Variants in SMARCC2 observed in about 807,000 individuals in gnomAD.
SMARCC2 encodes SWI/SNF complex subunit SMARCC2.
In SMARCC2, 15 loss-of-function variants were observed where a neutral mutation model predicts 151.3. That is an observed-to-expected ratio of 0.10 (90% CI 0.07 to 0.15). The LOEUF (loss-of-function observed/expected upper bound fraction) is 0.15, where lower values mean the gene tolerates loss of function less well. Among genes scored for constraint, SMARCC2 ranks in the 10% least tolerant of loss-of-function variants. The pLI is 1.00. For missense variants in SMARCC2, 1,031 were observed against 1,599.7 expected (o/e 0.64, Z 6.06); for synonymous variants, 590 against 609.5 (o/e 0.97, Z 0.47).
chr12:56,167,409 C>T (rs564992524), intron 26 of SMARCC2, among the ~76,000 whole-genome samples: 1 of 152,260 alleles, frequency 6.6e-6, no homozygotes, highest in East Asian at 1.9e-4. Context: ...CACTATGTTA[C>T]CCAGGCTGGT....
chr12:56,173,822 A>G lies in SMARCC2; in HGVS notation c.1524T>C (p.Gly508=), dbSNP rs750930747. 2.5e-5 allele frequency: 41 copies of G among 1,613,570 alleles called. No individual in the cohort carries two copies. The highest frequency in any genetic ancestry group is 3.4e-5 in the Non-Finnish European group (40 of 1,179,880). ...CAGCATCCACCTGGTAGTTAATAAG[A>G]CCCCACTGTTCTAGGAAGGCATGGA... is the stretch of plus-strand genomic sequence containing the variant. ...MRVHAFLEQW[G]LINYQVDAES... Residue 508 remains glycine, a synonymous_variant, in exon 17 of 29, where the codon GGT becomes GGC. Transcript: ENST00000550164.
Position 56,182,051 on chromosome 12 carries a change from T to C in SMARCC2, c.661A>G (p.Ile221Val). 1.2e-6 allele frequency: 2 copies of C among 1,613,314 alleles called. No homozygotes were observed. Among genetic ancestry groups the C allele is most frequent in the Non-Finnish European group, 1.7e-6 (2 of 1,179,598 alleles). ...GGAGCATCTTCCACAGATGCCTCAA[T>C]TTCACTCGCTGGGATCCACGTGTCG... ...SYDTWIPASE[I>V]EASVEDAPTP... The change falls in exon 8 of 29, where the codon ATT becomes GTT. Residue 221 changes from isoleucine (I) to valine (V), a missense_variant. Coordinates refer to ENST00000550164, the MANE Select transcript of SMARCC2 (RefSeq NM_001330288.2).
chr12:56,181,673 G>T (rs1454314119), intron 9 of SMARCC2, 31 bp downstream of exon 9: 1 of 1,614,044 alleles, frequency 6.2e-7, no homozygotes. Flanking sequence ...TATGCTAAGG[G>T]CGCCAGGAAA....
At chr12:56,186,655 G>T in intron 2 of SMARCC2, 1 of 208,370 alleles carries the variant, frequency 4.8e-6, no homozygotes, top group Non-Finnish European at 9.8e-6. Context: ...CGGCCTCAAA[G>T]CTGAAATTCT....
Position 56,168,075 on chromosome 12 carries a change from G to A in SMARCC2, c.2835C>T (p.Asp945=), listed in dbSNP as rs1873183734. The A allele has an allele frequency of 2.5e-6, 4 of 1,612,580 alleles. No individual in the cohort carries two copies. Among genetic ancestry groups the A allele is most frequent in the Admixed American group, 1.7e-5 (1 of 59,872 alleles). ...TGCTACTCACTGCTTCTCGCTCCCGGTCCATGATAGTCTCCAGCTCCTCAA... is the reference window on the plus strand; with the variant it reads ...TGCTACTCACTGCTTCTCGCTCCCGATCCATGATAGTCTCCAGCTCCTCAA... The part of the protein sequence containing the change: ...RHFEELETIM[D]REREALEYQR... The change falls in exon 26 of 29, where the codon GAC becomes GAT. Residue 945 remains aspartate (D), a synonymous_variant. Transcript: ENST00000550164.
rs1565903811 is a variant in SMARCC2 at position 56,172,625 on chromosome 12, A to C, written c.1823T>G (p.Leu608Arg). The C allele has an allele frequency of 6.2e-7, 1 of 1,614,226 alleles. No homozygotes were observed. Among genetic ancestry groups the C allele is most frequent in the Non-Finnish European group, 8.5e-7 (1 of 1,180,042 alleles). The change falls in exon 19 of 29, where the codon CTG (leucine) becomes CGG (arginine). Residue 608 changes from leucine (L) to arginine (R), a missense_variant. Transcript: ENST00000550164. ...CTTTTTTGTGTACATGTCTGTGCGC[A>C]GCCCAAAGTTTTGCATGTCTGTTGG... ...EKPTDMQNFG[L>R]RTDMYTKKNV...
At chr12:56,184,124 C>G (rs1486574965) in intron 6 of SMARCC2, 51 bp downstream of exon 6, 1 of 1,373,914 alleles carries the variant, frequency 7.3e-7, no homozygotes, top group Admixed American at 1.7e-5. Flanking sequence ...TAGTCCTCTG[C>G]CTCCTAGTCC....
chr12:56,184,924 A>G lies in SMARCC2; in HGVS notation c.412T>C (p.Ser138Pro), dbSNP rs1436454936. The change falls in exon 5 of 29, where the codon TCT becomes CCT. Residue 138 changes from serine (S) to proline (P), a missense_variant. Physicochemically the swap from Ser to Pro is moderately conservative, Grantham distance 74. This residue lies in a region of SMARCC2 where 123 missense variants were observed against 190.4 expected (regional missense o/e 0.65). Coordinates refer to ENST00000550164, the MANE Select transcript of SMARCC2 (RefSeq NM_001330288.2). ...EKSLVQNNCLSRPNIFLCPEI... is the reference protein window; with the variant it reads ...EKSLVQNNCLPRPNIFLCPEI... ...GGGCACAGAAAAATGTTAGGTCGAG[A>G]CAGGCAATTATTCTGTGGAGAGAAG... The G allele has an allele frequency of 9.3e-6, 15 of 1,612,820 alleles. No individual in the cohort carries two copies. In the East Asian group the frequency reaches 3.3e-4, roughly 36 times the overall value.
intron 2 of SMARCC2, chr12:56,186,856 A>G: frequency 4.7e-6 from 1 of 212,230 alleles, no homozygotes; most frequent in Non-Finnish European, 9.6e-6. Context: ...GCCCAAGATC[A>G]CAGAGCCATC....
At position 56,181,603 on chromosome 12, in the gene SMARCC2, G is replaced by C; in HGVS notation, c.841-6C>G. 6.2e-7 allele frequency: 1 copy of C among 1,605,238 alleles called. No individual in the cohort carries two copies. Among genetic ancestry groups the C allele is most frequent in the Non-Finnish European group, 8.5e-7 (1 of 1,174,710 alleles). On this transcript the variant is annotated splice_region_variant and splice_polypyrimidine_tract_variant and intron_variant, in intron 9 of 28. Transcript: ENST00000550164. ...TCTGAATCTGGGCTGTTCACCTATA[G>C]GATGGAGAATCAGGACAAATGTCAG...
Position 56,165,401 on chromosome 12 carries a change from G to T in SMARCC2, c.3149C>A (p.Thr1050Asn). ...TGGTTGCTGCTGCTGTGGCCCTGCA[G>T]TTGACCCTGCCTGCCCAATCTGTTC... ...PSEQIGQAGS[T>N]AGPQQQQPAG... Residue 1050 changes from threonine to asparagine, a missense_variant, in exon 27 of 29, where the codon ACT becomes AAT. Transcript: ENST00000550164. 4 of 1,509,082 alleles carry T rather than the reference G, an allele frequency of 2.7e-6. No individual in the cohort carries two copies. The highest frequency in any genetic ancestry group is 3.5e-6 in the Non-Finnish European group (4 of 1,131,364). The allele number at this position is 1,509,082 out of a possible 1,614,324, so 93.5% of individuals were successfully genotyped here. A position where few individuals can be genotyped will look rare whatever the true frequency, so the allele number is the denominator to read the frequency against.
In SMARCC2 at chr12:56,184,895, T is replaced by C. The variant is rs752059714; in HGVS notation, c.441A>G (p.Glu147=). 1 of 1,613,682 alleles carries C rather than the reference T, an allele frequency of 6.2e-7. No homozygotes were observed. Among genetic ancestry groups the C allele is most frequent in the South Asian group, 1.1e-5 (1 of 91,060 alleles). Residue 147 remains glutamate (E), a synonymous_variant, in exon 5 of 29, where the codon GAA becomes GAG. Coordinates refer to ENST00000550164, the MANE Select transcript of SMARCC2 (RefSeq NM_001330288.2). ...ATTTCCCTAGTAGTTTGGGCTCAAT[T>C]TCTGGGCACAGAAAAATGTTAGGTC... ...LSRPNIFLCP[E]IEPKLLGKLK...
chr12:56,166,140 T>C (rs1872726776), intron 26 of SMARCC2, among the ~76,000 whole-genome samples: 1 of 152,174 alleles, frequency 6.6e-6, no homozygotes, highest in East Asian at 1.9e-4. Context: ...AAACTTGATG[T>C]GCAATCTCTT....
intron 10 of SMARCC2, 170 bp from the exon 11 acceptor site, chr12:56,181,271 T>C (rs549820381): frequency 1.4e-6 from 1 of 691,574 alleles, no homozygotes; most frequent in East Asian, 2.7e-5. Flanking sequence ...TTTCACTTGA[T>C]AAAGCTCTCT....
chr12:56,177,863 C>T (rs965646281), intron 15 of SMARCC2, among the ~76,000 whole-genome samples, 159 bp downstream of exon 15: 1 of 152,244 alleles, frequency 6.6e-6, no homozygotes, highest in Non-Finnish European at 1.5e-5. Context: ...TAGGCCAGGG[C>T]TGCCTAAAGG....
At chr12:56,169,469 T>G in intron 25 of SMARCC2, 60 bp downstream of exon 25, 85 of 1,547,536 alleles carry the variant, frequency 5.5e-5, no homozygotes, top group Middle Eastern at 1.8e-4. Flanking sequence ...TTCCTCTAAG[T>G]GAGATGAGAT....
chr12:56,174,143 T>TC (rs1050516782), intron 16 of SMARCC2, among the ~76,000 whole-genome samples: 6 of 152,324 alleles, frequency 3.9e-5, no homozygotes, highest in African/African-American at 1.4e-4. Context: ...TTTCTTTTTT[T>TC]CCCTAAGAGA....
At position 56,186,137 on chromosome 12, in the gene SMARCC2, TAG is replaced by T. The variant is rs747437581; in HGVS notation, c.317+16_317+17del. ...TCCTCTAAACTAAATATAAGAAGAA[TAG>T]AGAGAATCATCTCACCATCCCTGGT... is the stretch of plus-strand genomic sequence containing the variant. On this transcript the variant is annotated intron_variant, in intron 3 of 28. Transcript: ENST00000550164. 1,540 of 1,526,418 alleles carry T rather than the reference TAG, an allele frequency of 1.0e-3. 2 individuals are homozygous for T. Among genetic ancestry groups the T allele is most frequent in the Non-Finnish European group, 1.3e-3 (1,478 of 1,100,378 alleles). 94.6% of individuals were successfully genotyped at this position (1,526,418 alleles called of 1,614,324 possible).
At chr12:56,181,444 G>T in intron 10 of SMARCC2, 38 bp downstream of exon 10, 1 of 1,217,168 alleles carries the variant, frequency 8.2e-7, no homozygotes, top group Non-Finnish European at 1.2e-6. Context: ...GATGTGGAGA[G>T]AATGGTGAAC....
Sources: gnomAD v4.1 joint callset for allele counts (sites outside exome capture counted in the v4.1 genomes callset) on GRCh38, gnomAD v4.1.1 for gene constraint, gnomAD v4.1.1 regional missense constraint, MANE v1.5 for transcripts, NCBI Gene and HGNC (gene_info 2026-07-23, HGNC 2026-07-21) for gene names.